The following CERKL variants were observed in gnomAD, a reference collection of about 807,000 sequenced individuals.
The protein encoded by CERKL is ceramide kinase-like protein.
A neutral mutation model predicts 63.4 loss-of-function variants in CERKL; 61 were observed. That is an observed-to-expected ratio of 0.96 (90% confidence interval 0.78 to 1.19). CERKL has a LOEUF of 1.19. CERKL is among the 50% of genes most tolerant of loss of function. The probability of loss-of-function intolerance (pLI) is 0.00; values close to 1 mark genes in which losing one functional copy is unlikely to be tolerated. For missense variants in CERKL, 675 were observed against 655.5 expected (o/e 1.03, Z -0.33); for synonymous variants, 250 against 230.5 (o/e 1.08, Z -0.77).
At chr2:181,545,126 G>T (rs1208223059) in intron 10 of CERKL, among the ~76,000 whole-genome samples, 2 of 152,136 alleles carry the variant, frequency 1.3e-5, no homozygotes, top group South Asian at 2.1e-4. Flanking sequence ...TTCTAAATGT[G>T]AAACTATGTT....
chr2:181,566,123 T>C lies in CERKL; in HGVS notation c.614-2A>G. On this transcript the variant is annotated splice_acceptor_variant, in intron 3 of 12. Transcript: ENST00000410087. LOFTEE classifies it high-confidence loss of function. ...GAGCGTGCCCTTCATATTCCATTAC[T>C]ATTAAAAAAACACACACACATACAC... 1 of 1,609,648 alleles carries C rather than the reference T, an allele frequency of 6.2e-7. No homozygotes were observed. The highest frequency in any genetic ancestry group is 2.2e-5 in the East Asian group (1 of 44,684).
intron 8 of CERKL, 138 bp downstream of exon 8, chr2:181,548,407 G>A (rs1185036146): frequency 5.6e-6 from 4 of 719,372 alleles, no homozygotes; most frequent in Non-Finnish European, 9.7e-6. Context: ...ACTAGGACCT[G>A]TAAGAGTCTG....
intron 2 of CERKL, among the ~76,000 whole-genome samples, chr2:181,583,746 C>CA (rs1226824313): frequency 6.6e-6 from 1 of 152,082 alleles, no homozygotes; most frequent in East Asian, 1.9e-4. Flanking sequence ...TAGTCTCTTC[C>CA]ATAAGTCAAT....
chr2:181,541,418 T>C (rs751821033), intron 11 of CERKL, among the ~76,000 whole-genome samples: 2 of 152,160 alleles, frequency 1.3e-5, no homozygotes, highest in African/African-American at 2.4e-5. Flanking sequence ...ATGGCAACCT[T>C]AGCCAATGAA....
At chr2:181,554,614 A>G (rs1203117869) in intron 5 of CERKL, among the ~76,000 whole-genome samples, 4 of 152,018 alleles carry the variant, frequency 2.6e-5, no homozygotes, top group African/African-American at 9.7e-5. Flanking sequence ...ACCAGTTCCC[A>G]TAGCAACAAA....
Position 181,656,866 on chromosome 2 carries a change from C to T in CERKL, c.141G>A (p.Leu47=), listed in dbSNP as rs1203761541. Residue 47 remains leucine, a synonymous_variant, in exon 1 of 13, where the codon CTG becomes CTA. Transcript: ENST00000410087. The stretch of plus-strand genomic sequence containing the variant: ...TCCCGATCTCGAAGATGCCCCGGAG[C>T]AGAATCCGCTCGGCCGCCGCCTCCG... ...QQTEAAAERI[L]LRGIFEIGRD... The T allele has an allele frequency of 6.2e-7, 1 of 1,605,134 alleles. No individual in the cohort carries two copies. The highest frequency in any genetic ancestry group is 8.5e-7 in the Non-Finnish European group (1 of 1,174,356).
Position 181,536,745 on chromosome 2 carries a change from T to TA in CERKL, c.*1438_*1439insT, listed in dbSNP as rs1423633923. On this transcript the variant is annotated 3_prime_UTR_variant, in exon 13 of 13. Transcript: ENST00000410087. ...GTTCTATTTTAAATGACTTTCTGGATTTTAAAAAATTTCTTTAAATACAAT... is the reference window on the plus strand; with the variant it reads ...GTTCTATTTTAAATGACTTTCTGGATATTTAAAAAATTTCTTTAAATACAAT... 1 of 248,670 alleles carries TA rather than the reference T, an allele frequency of 4.0e-6. No homozygotes were observed. Among genetic ancestry groups the TA allele is most frequent in the African/African-American group, 2.3e-5 (1 of 43,608 alleles). 15.4% of individuals were successfully genotyped at this position (248,670 alleles called of 1,614,324 possible).
intron 1 of CERKL, among the ~76,000 whole-genome samples, chr2:181,648,740 A>T (rs1247138880): frequency 1.3e-5 from 2 of 152,254 alleles, no homozygotes; most frequent in Admixed American, 6.5e-5. Context: ...TACAATGGCT[A>T]GGGAACACAT....
Position 181,538,191 on chromosome 2 carries a change from G to GGAATCATTTCTTCCAT in CERKL, c.1576_1591dup (p.Pro531HisfsTer14), listed in dbSNP as rs747579450. ...TTTAGAAACAATTACATGTTACTTT[G>GGAATCATTTCTTCCAT]GAATCATTTCTTCCATGCTTCCTCC... On this transcript the variant is annotated frameshift_variant, in exon 13 of 13. Transcript: ENST00000410087. LOFTEE classifies it high-confidence loss of function. The GGAATCATTTCTTCCAT allele has an allele frequency of 1.9e-6, 3 of 1,569,286 alleles. No individual in the cohort carries two copies. The South Asian group carries it at 3.3e-5, about 17-fold the overall frequency.
At chr2:181,556,405 C>G (rs138213017) in intron 5 of CERKL, among the ~76,000 whole-genome samples, 1 of 152,004 alleles carries the variant, frequency 6.6e-6, no homozygotes, top group South Asian at 2.1e-4. Context: ...TCCCCCACCC[C>G]ACAACAGGCC....
rs1047307 is a variant in CERKL, at chr2:181,537,025, G to A, written c.*1159C>T. The A allele has an allele frequency of 0.38, 168,958 of 444,670 alleles. 35,181 individuals carry two copies. The highest frequency in any genetic ancestry group is 0.62 in the South Asian group (39,233 of 62,948). The allele number at this position is 444,670 out of a possible 1,614,324, so 27.5% of individuals were successfully genotyped here. On this transcript the variant is annotated 3_prime_UTR_variant, in exon 13 of 13. Coordinates refer to ENST00000410087, the MANE Select transcript of CERKL (RefSeq NM_201548.5). ...GCAGTGATGGTGAGGAATGTTCTGAGATTTGCGAAGGCATTTGAGTAGTGA... is the reference window on the plus strand; with the variant it reads ...GCAGTGATGGTGAGGAATGTTCTGAAATTTGCGAAGGCATTTGAGTAGTGA...
chr2:181,604,022 AAT>A lies in CERKL; in HGVS notation c.294_295del (p.Phe99LeufsTer11). 1 of 1,611,430 alleles carries A rather than the reference AAT, an allele frequency of 6.2e-7. No homozygotes were observed. Among genetic ancestry groups the A allele is most frequent in the Non-Finnish European group, 8.5e-7 (1 of 1,177,976 alleles). ...ACAACGCCGTTTCAGTTTCACAGAG[AAT>A]ATGTCTTTGAGTTCAATAAATTCTT... On this transcript the variant is annotated frameshift_variant, in exon 2 of 13. Coordinates refer to ENST00000410087, the MANE Select transcript of CERKL (RefSeq NM_201548.5). LOFTEE classifies it high-confidence loss of function.
chr2:181,616,866 G>T (rs1428862553), intron 1 of CERKL, among the ~76,000 whole-genome samples: 1 of 152,144 alleles, frequency 6.6e-6, no homozygotes, highest in Non-Finnish European at 1.5e-5. Flanking sequence ...AGAAATTGGT[G>T]AATTAAGTAA....
intron 1 of CERKL, among the ~76,000 whole-genome samples, chr2:181,608,808 TATC>T (rs1178380274): frequency 1.3e-5 from 2 of 152,218 alleles, no homozygotes; most frequent in Admixed American, 6.5e-5. Flanking sequence ...TTAAAGATGT[TATC>T]ATAATTTTTT....
chr2:181,552,380 TAGTG>T (rs552020064), intron 5 of CERKL, among the ~76,000 whole-genome samples: 13 of 152,176 alleles, frequency 8.5e-5, no homozygotes, highest in Non-Finnish European at 1.5e-4. Context: ...GTTCTTGTGA[TAGTG>T]AGTGAGTTCT....
intron 8 of CERKL, 150 bp from the exon 9 acceptor site, chr2:181,547,997 G>GTA (rs1553513334): frequency 1.7e-6 from 1 of 590,034 alleles, no homozygotes; most frequent in Non-Finnish European, 2.6e-6. Context: ...AAGTAAAAAC[G>GTA]TACAATTTTG....
At chr2:181,594,686 T>C (rs1265499710) in intron 2 of CERKL, among the ~76,000 whole-genome samples, 1 of 152,198 alleles carries the variant, frequency 6.6e-6, no homozygotes, top group Non-Finnish European at 1.5e-5. Context: ...TATATAATTT[T>C]ACACCTAATG....
At chr2:181,651,868 A>G (rs1280469868) in intron 1 of CERKL, among the ~76,000 whole-genome samples, 1 of 151,730 alleles carries the variant, frequency 6.6e-6, no homozygotes, top group African/African-American at 2.4e-5. Flanking sequence ...CTAATATTGT[A>G]CTATGTGAAA....
intron 5 of CERKL, among the ~76,000 whole-genome samples, chr2:181,557,436 T>A (rs1688260714): frequency 6.6e-6 from 1 of 152,182 alleles, no homozygotes; most frequent in African/African-American, 2.4e-5. Context: ...AAGGAAGGGA[T>A]CCTGTTTCAG....
Sources: allele counts gnomAD v4.1 joint callset (sites outside exome capture counted in the v4.1 genomes callset), GRCh38; gene constraint gnomAD v4.1.1; transcripts MANE v1.5; gene names NCBI Gene and HGNC (gene_info 2026-07-23, HGNC 2026-07-21).